Variants in RIMBP2 observed in about 807,000 individuals in gnomAD.
RIMBP2 encodes RIMS binding protein 2, also known as RIMS-binding protein 2.
In RIMBP2, 48 loss-of-function variants were observed where a neutral mutation model predicts 118.6. The ratio of observed to expected loss-of-function variants is 0.40; its 90% CI spans 0.32 to 0.51. The LOEUF is 0.51. Among genes scored for constraint, RIMBP2 ranks in the 20% least tolerant of loss-of-function variants. The pLI is 0.41. For synonymous variants in RIMBP2, 762 were observed against 742.9 expected (o/e 1.03, Z -0.42); for missense variants, 1,551 against 1,768.3 (o/e 0.88, Z 2.20).
In RIMBP2 at chr12:130,710,987, A is replaced by C. The variant is rs1949877811; in HGVS notation, c.-352+5235T>G. ...ACCAGGCACAGTGGCTCATGCCTGT[A>C]ATCCTAGCATTTTGGGAGGCCAAGG... On this transcript the variant is annotated intron_variant, in intron 1 of 22. Transcript: ENST00000690449. This position sits in a 1 kb window ranked among gnomAD's most constrained non-coding sequence, Gnocchi z 4.3. 6.6e-6 allele frequency among the ~76,000 whole-genome samples: 1 copy of C among 152,224 alleles called. No homozygotes were observed. Among genetic ancestry groups the C allele is most frequent in the South Asian group, 2.1e-4 (1 of 4,836 alleles).
chr12:130,418,009 C>T (rs1248412773), intron 17 of RIMBP2, among the ~76,000 whole-genome samples: 2 of 152,224 alleles, frequency 1.3e-5, no homozygotes, highest in African/African-American at 2.4e-5. Flanking sequence ...GAGCTTCTGT[C>T]CCAGCACGAG....
Position 130,576,240 on chromosome 12 carries a change from G to A in RIMBP2, c.-217+52082C>T, listed in dbSNP as rs186559245. On this transcript the variant is annotated intron_variant, in intron 2 of 22. Transcript: ENST00000690449. The surrounding 1 kb of genome is among the most constrained non-coding windows in gnomAD (Gnocchi z 4.2). ...TTTTTACCTTTCTGTATCTTTTAATGTGTAACCAAAACCACAGGCCCAAAG... is the reference window on the plus strand; with the variant it reads ...TTTTTACCTTTCTGTATCTTTTAATATGTAACCAAAACCACAGGCCCAAAG... 2.9e-3 allele frequency among the ~76,000 whole-genome samples: 444 copies of A among 152,292 alleles called. 1 individual carries two copies. Among genetic ancestry groups the A allele is most frequent in the Non-Finnish European group, 4.2e-3 (289 of 68,028 alleles).
At chr12:130,557,406 T>G (rs941056158) in intron 2 of RIMBP2, among the ~76,000 whole-genome samples, 1 of 152,206 alleles carries the variant, frequency 6.6e-6, no homozygotes, top group Non-Finnish European at 1.5e-5. Flanking sequence ...TCAGGCCATC[T>G]GAAAATGCAG....
chr12:130,713,396 T>A (rs1950105406), intron 1 of RIMBP2, among the ~76,000 whole-genome samples: 1 of 152,074 alleles, frequency 6.6e-6, no homozygotes, highest in South Asian at 2.1e-4. Context: ...GGCACCAGCA[T>A]CACCAACAAG....
rs536548224 is a variant in RIMBP2, at chr12:130,703,182, C to G, written c.-352+13040G>C. ...TTGCCAAAGTGGTCCGGCCTCCTAG[C>G]ATGGGGGCAGCCAATTAACCAGGAG... On this transcript the variant is annotated intron_variant, in intron 1 of 22. Coordinates refer to ENST00000690449, the MANE Select transcript of RIMBP2 (RefSeq NM_001393629.1). This position sits in a 1 kb window ranked among gnomAD's most constrained non-coding sequence, Gnocchi z 5.7. Among the ~76,000 whole-genome samples the G allele has an allele frequency of 6.6e-5, 10 of 152,206 alleles. No homozygotes were observed. Among genetic ancestry groups the G allele is most frequent in the African/African-American group, 2.4e-4 (10 of 41,544 alleles).
intron 1 of RIMBP2, among the ~76,000 whole-genome samples, chr12:130,659,688 G>C (rs550486348): frequency 1.2e-4 from 18 of 151,966 alleles, no homozygotes; most frequent in African/African-American, 4.1e-4. Context: ...AATTATTAAT[G>C]CCGGCCGGGC....
intron 1 of RIMBP2, among the ~76,000 whole-genome samples, chr12:130,714,395 T>G (rs2136927023): frequency 6.6e-6 from 1 of 152,298 alleles, no homozygotes; most frequent in South Asian, 2.1e-4. Context: ...CTCTGCAGGC[T>G]TGGGGTTCTC....
intron 2 of RIMBP2, among the ~76,000 whole-genome samples, chr12:130,568,118 G>A (rs2057362431): frequency 6.6e-6 from 1 of 152,192 alleles, no homozygotes. Flanking sequence ...TCTCTCCATT[G>A]TCAGCAACAG....
At chr12:130,520,763 T>C (rs1172086643) in intron 2 of RIMBP2, among the ~76,000 whole-genome samples, 3 of 150,660 alleles carry the variant, frequency 2.0e-5, no homozygotes, top group African/African-American at 4.9e-5. Context: ...CACAAAAAAC[T>C]TAGCCAAGTG....
intron 2 of RIMBP2, among the ~76,000 whole-genome samples, chr12:130,583,879 C>G (rs573262631): frequency 6.7e-6 from 1 of 148,932 alleles, no homozygotes; most frequent in Non-Finnish European, 1.5e-5. Flanking sequence ...ATGACCATCA[C>G]CACCATCACC....
At chr12:130,709,455 G>C (rs1949738601) in intron 1 of RIMBP2, among the ~76,000 whole-genome samples, 1 of 152,242 alleles carries the variant, frequency 6.6e-6, no homozygotes, top group Admixed American at 6.5e-5. Flanking sequence ...CAGCCTGCGG[G>C]GCAGCTCCAG....
At chr12:130,604,847 G>T (rs1437866881) in intron 2 of RIMBP2, among the ~76,000 whole-genome samples, 1 of 149,780 alleles carries the variant, frequency 6.7e-6, no homozygotes, top group East Asian at 2.0e-4. Context: ...CTCCCAAAGT[G>T]CTGGGATTAC....
At chr12:130,506,863 T>G in intron 3 of RIMBP2, 93 bp from the exon 4 acceptor site, 1 of 908,520 alleles carries the variant, frequency 1.1e-6, no homozygotes, top group Non-Finnish European at 1.3e-6. Flanking sequence ...AATCTTCAAT[T>G]TCCTCCTAGA....
intron 2 of RIMBP2, among the ~76,000 whole-genome samples, chr12:130,566,598 C>T (rs1203717143): frequency 6.6e-6 from 1 of 152,192 alleles, no homozygotes; most frequent in African/African-American, 2.4e-5. Context: ...GCTGAACCTG[C>T]CAGCAACCGC....
At position 130,442,336 on chromosome 12, in the gene RIMBP2, A is replaced by G; in HGVS notation, c.1016T>C (p.Val339Ala). 1 of 1,614,114 alleles carries G rather than the reference A, an allele frequency of 6.2e-7. No individual in the cohort carries two copies. The highest frequency in any genetic ancestry group is 8.5e-7 in the Non-Finnish European group (1 of 1,180,018). The change falls in exon 11 of 23, where the codon GTG (valine) becomes GCG (alanine). Residue 339 changes from valine (V) to alanine (A), a missense_variant. Physicochemically the swap from Val to Ala is moderately conservative, Grantham distance 64. Transcript: ENST00000690449. This position sits in a 1 kb window ranked among gnomAD's most constrained non-coding sequence, Gnocchi z 6.9. ...GCTCACCGTTCCCCATCCTGGTGGCACCGCCGGGGGCTCCCAGCCCACAAT... is the reference window on the plus strand; with the variant it reads ...GCTCACCGTTCCCCATCCTGGTGGCGCCGCCGGGGGCTCCCAGCCCACAAT... ...SVIVGWEPPAVPPGWGTVSSY... is the reference protein window; with the variant it reads ...SVIVGWEPPAAPPGWGTVSSY...
chr12:130,463,323 C>T (rs544277142), intron 6 of RIMBP2, among the ~76,000 whole-genome samples: 14 of 152,220 alleles, frequency 9.2e-5, no homozygotes, highest in Non-Finnish European at 1.8e-4. Flanking sequence ...GCCACCTGCT[C>T]GGCGCTAGGG....
intron 15 of RIMBP2, chr12:130,427,122 T>A (rs1403355071): frequency 6.6e-6 from 1 of 152,244 alleles, no homozygotes; most frequent in Non-Finnish European, 1.5e-5. Context: ...CAGGAGAACA[T>A]AAGTCAGTCT....
At chr12:130,705,073 G>A (rs983244578) in intron 1 of RIMBP2, among the ~76,000 whole-genome samples, 5 of 152,172 alleles carry the variant, frequency 3.3e-5, no homozygotes, top group Admixed American at 2.0e-4. Context: ...GCTGCGTGAG[G>A]ATCCCTGCCT....
chr12:130,442,667 G>A lies in RIMBP2; in HGVS notation c.692-7C>T. ...TGGCCATCGAGGAGCTCTCCTGTTG[G>A]GTACAAGGACAGAGTTATCACCCAG... On this transcript the variant is annotated splice_region_variant and splice_polypyrimidine_tract_variant and intron_variant, in intron 10 of 22. Transcript: ENST00000690449. This position sits in a 1 kb window ranked among gnomAD's most constrained non-coding sequence, Gnocchi z 6.9. The A allele has an allele frequency of 6.2e-7, 1 of 1,610,946 alleles. No individual in the cohort carries two copies. The highest frequency in any genetic ancestry group is 8.5e-7 in the Non-Finnish European group (1 of 1,178,370).
Sources: gnomAD v4.1 joint callset for allele counts (sites outside exome capture counted in the v4.1 genomes callset) on GRCh38, gnomAD v4.1.1 for gene constraint, Gnocchi (gnomAD v3.1) non-coding constraint, MANE v1.5 for transcripts, NCBI Gene and HGNC (gene_info 2026-07-23, HGNC 2026-07-21) for gene names.